The following METTL16 variants were observed in gnomAD, a reference collection of about 807,000 sequenced individuals.
The protein encoded by METTL16 is RNA N(6)-adenosine-methyltransferase METTL16.
Under a neutral mutation model 57.9 loss-of-function variants are expected in METTL16, and 19 were observed. That is an observed-to-expected ratio of 0.33 (90% confidence interval 0.23 to 0.48). The LOEUF (loss-of-function observed/expected upper bound fraction) is 0.48. METTL16 is among the 20% of genes least tolerant of loss of function. The pLI is 0.99. For synonymous variants in METTL16, 246 were observed against 255.6 expected, an observed-to-expected ratio of 0.96 and a Z score of 0.36; for missense variants, 434 against 691.5, an observed-to-expected ratio of 0.63 and a Z score of 4.18.
intron 8 of METTL16, among the ~76,000 whole-genome samples, chr17:2,431,958 C>G (rs1328078463): frequency 4.2e-5 from 6 of 143,092 alleles, no homozygotes; most frequent in African/African-American, 1.6e-4. Flanking sequence ...TTTTTTTTTT[C>G]TTTTGAGACT....
At chr17:2,443,312 G>A (rs1228294164) in intron 6 of METTL16, among the ~76,000 whole-genome samples, 2 of 152,106 alleles carry the variant, frequency 1.3e-5, no homozygotes, top group Non-Finnish European at 2.9e-5. Context: ...ATCAATTAAA[G>A]AAACTGAATT....
At chr17:2,481,244 C>G (rs1439572080) in intron 2 of METTL16, among the ~76,000 whole-genome samples, 4 of 150,196 alleles carry the variant, frequency 2.7e-5, no homozygotes, top group Admixed American at 1.3e-4. Context: ...AAAAAAAAAC[C>G]CAGGATATTT....
chr17:2,511,472 T>C (rs1380232823), intron 1 of METTL16, among the ~76,000 whole-genome samples: 3 of 152,128 alleles, frequency 2.0e-5, no homozygotes, highest in Non-Finnish European at 2.9e-5. Flanking sequence ...GCCCTCATTT[T>C]ATCAGCTCAG....
chr17:2,507,051 A>G (rs2067544790), intron 1 of METTL16, among the ~76,000 whole-genome samples: 1 of 148,570 alleles, frequency 6.7e-6, no homozygotes, highest in Non-Finnish European at 1.5e-5. Flanking sequence ...TCCACCCGGC[A>G]GCCACCCCGT....
chr17:2,464,420 C>T, intron 5 of METTL16, 70 bp from the exon 6 acceptor site: 1 of 1,423,010 alleles, frequency 7.0e-7, no homozygotes, highest in Admixed American at 2.5e-5. Flanking sequence ...TGTAATCTAT[C>T]TCTAAGTTAG....
At chr17:2,468,963 G>A (rs1356951040) in intron 4 of METTL16, among the ~76,000 whole-genome samples, 1 of 151,878 alleles carries the variant, frequency 6.6e-6, no homozygotes, top group Non-Finnish European at 1.5e-5. Context: ...CGCCAGGCAT[G>A]GTGGCTCATG....
chr17:2,454,687 C>T (rs1156700754), intron 6 of METTL16, among the ~76,000 whole-genome samples: 1 of 151,136 alleles, frequency 6.6e-6, no homozygotes, highest in Non-Finnish European at 1.5e-5. Context: ...ATCTCAGCCT[C>T]CCAAGTAGCT....
At chr17:2,476,721 C>T (rs529722433) in intron 3 of METTL16, among the ~76,000 whole-genome samples, 7 of 151,988 alleles carry the variant, frequency 4.6e-5, no homozygotes, top group African/African-American at 1.2e-4. Context: ...TTTGGGAGGA[C>T]GAGGCAGGCG....
chr17:2,453,147 G>A (rs906849237), intron 6 of METTL16, among the ~76,000 whole-genome samples: 3 of 152,036 alleles, frequency 2.0e-5, no homozygotes, highest in East Asian at 1.9e-4. Flanking sequence ...GGTGTGAGCC[G>A]CTGCGCCCCC....
intron 1 of METTL16, among the ~76,000 whole-genome samples, chr17:2,504,221 G>A (rs547376297): frequency 1.3e-5 from 2 of 152,244 alleles, no homozygotes; most frequent in African/African-American, 4.8e-5. Context: ...AGCTGGGGAG[G>A]GAAGAATGAG....
intron 6 of METTL16, chr17:2,460,094 G>C (rs1217115214): frequency 6.6e-6 from 1 of 152,190 alleles, no homozygotes; most frequent in Non-Finnish European, 1.5e-5. Context: ...TAGGATGTGA[G>C]TGAAAACAAT....
At position 2,511,833 on chromosome 17, in the gene METTL16, C is replaced by T. The variant is rs1456225951; in HGVS notation, c.-75G>A. 2.5e-6 allele frequency: 1 copy of T among 398,550 alleles called. No homozygotes were observed. The highest frequency in any genetic ancestry group is 4.4e-5 in the Admixed American group (1 of 22,712). The allele number at this position is 398,550 out of a possible 1,614,324, so 24.7% of individuals were successfully genotyped here. On this transcript the variant is annotated 5_prime_UTR_variant, in exon 1 of 10. The change abolishes an upstream ATG in the 5' untranslated region. Coordinates refer to ENST00000263092, the MANE Select transcript of METTL16 (RefSeq NM_024086.4). ...CAACCCTAGAATCTTAAAGCAGCCG[C>T]ATAGCGAAGCTCCTAGAAACGCAGA... is the stretch of plus-strand genomic sequence containing the variant.
At chr17:2,488,482 G>T (rs539908813) in intron 2 of METTL16, among the ~76,000 whole-genome samples, 1 of 151,910 alleles carries the variant, frequency 6.6e-6, no homozygotes. Context: ...GCTTCAACCC[G>T]GGAGGCGGAT....
At position 2,438,922 on chromosome 17, in the gene METTL16, T is replaced by C. The variant is rs912798978; in HGVS notation, c.799-724A>G. ...AGGAACTAGTTTGTAGCTCTCACAA[T>C]TTACCCAAGAAATGGTATTGTGAGG... On this transcript the variant is annotated intron_variant, in intron 7 of 9. Transcript: ENST00000263092. 3.3e-5 allele frequency among the ~76,000 whole-genome samples: 5 copies of C among 152,094 alleles called. No individual in the cohort carries two copies. The East Asian group carries it at 7.7e-4, about 23-fold the overall frequency.
At chr17:2,508,126 A>T (rs1043881133) in intron 1 of METTL16, among the ~76,000 whole-genome samples, 2 of 146,936 alleles carry the variant, frequency 1.4e-5, no homozygotes, top group African/African-American at 5.0e-5. Context: ...TGATCAATAA[A>T]AAAAAAAAAA....
In METTL16 at chr17:2,463,662, A is replaced by G. The variant is rs992271063; in HGVS notation, c.728+546T>C. On this transcript the variant is annotated intron_variant, in intron 6 of 9. Transcript: ENST00000263092. ...TTTTTAGTAGAGACAGGGTTTCACTATATTGGCCAGGCTGGTCTTGAACTC... is the reference window on the plus strand; with the variant it reads ...TTTTTAGTAGAGACAGGGTTTCACTGTATTGGCCAGGCTGGTCTTGAACTC... Among the ~76,000 whole-genome samples the G allele has an allele frequency of 2.6e-5, 4 of 151,760 alleles. No homozygotes were observed. The East Asian group carries it at 7.9e-4, about 30-fold the overall frequency.
chr17:2,430,710 G>A (rs918277543), intron 8 of METTL16, among the ~76,000 whole-genome samples: 7 of 151,860 alleles, frequency 4.6e-5, no homozygotes, highest in South Asian at 2.1e-4. Context: ...GAGCCACCGC[G>A]CCCAGCCTAG....
intron 1 of METTL16, among the ~76,000 whole-genome samples, chr17:2,503,466 A>C (rs1212605071): frequency 1.3e-5 from 2 of 151,982 alleles, no homozygotes; most frequent in Admixed American, 6.6e-5. Context: ...TATCCATACA[A>C]TAAATATGGG....
At chr17:2,473,013 C>T (rs192711756) in intron 4 of METTL16, among the ~76,000 whole-genome samples, 74 of 152,044 alleles carry the variant, frequency 4.9e-4, no homozygotes, top group Middle Eastern at 3.4e-3. Context: ...AATGATGTGC[C>T]AGCATAGGTT....
Sources: gnomAD v4.1 joint callset for allele counts (sites outside exome capture counted in the v4.1 genomes callset) on GRCh38, gnomAD v4.1.1 for gene constraint, MANE v1.5 for transcripts, NCBI Gene and HGNC (gene_info 2026-07-23, HGNC 2026-07-21) for gene names.